Variants in CAMTA1 observed in about 807,000 individuals in gnomAD.
CAMTA1 encodes the protein calmodulin binding transcription activator 1, also known as calmodulin-binding transcription activator 1.
Under a neutral mutation model 170.9 loss-of-function variants are expected in CAMTA1, and 27 were observed. The ratio of observed to expected loss-of-function variants is 0.16; its 90% CI spans 0.12 to 0.22. The LOEUF (loss-of-function observed/expected upper bound fraction) is 0.22. Ranked by LOEUF, CAMTA1 falls within the 10% of genes least tolerant of loss-of-function variation. The pLI, the probability that CAMTA1 is intolerant of heterozygous loss-of-function variation, is 1.00. For synonymous variants in CAMTA1, 833 were observed against 891.5 expected, an observed-to-expected ratio of 0.93 and a Z score of 1.17; for missense variants, 1,619 against 2,217.2, an observed-to-expected ratio of 0.73 and a Z score of 5.42.
At chr1:7,071,834 G>C (rs548926462) in intron 3 of CAMTA1, among the ~76,000 whole-genome samples, 2 of 152,208 alleles carry the variant, frequency 1.3e-5, no homozygotes, top group East Asian at 1.9e-4. Flanking sequence ...GAAAATACCC[G>C]TGTCCTCCTG....
chr1:7,743,527 A>G (rs1013979020), intron 16 of CAMTA1, among the ~76,000 whole-genome samples: 1 of 152,082 alleles, frequency 6.6e-6, no homozygotes, highest in African/African-American at 2.4e-5. Flanking sequence ...TTCTATCCCC[A>G]GAGGTTTGCT....
intron 5 of CAMTA1, among the ~76,000 whole-genome samples, chr1:7,369,415 G>A (rs1231816011): frequency 6.6e-6 from 1 of 152,144 alleles, no homozygotes; most frequent in Non-Finnish European, 1.5e-5. Context: ...TTCAGGGCAG[G>A]ACCACTCTGT....
intron 3 of CAMTA1, chr1:6,888,086 G>T: frequency 9.8e-7 from 1 of 1,023,958 alleles, no homozygotes; most frequent in Non-Finnish European, 1.2e-6. Flanking sequence ...GTTACCACCT[G>T]TCTCATCAGA....
At chr1:7,697,408 G>T (rs1256219955) in intron 11 of CAMTA1, among the ~76,000 whole-genome samples, 3 of 152,204 alleles carry the variant, frequency 2.0e-5, no homozygotes, top group African/African-American at 7.2e-5. Flanking sequence ...CACCGCTGGG[G>T]ATTCGAACTC....
In CAMTA1 at chr1:7,745,393, A is replaced by T. The variant is rs184132705; in HGVS notation, c.4370+371A>T. 8.5e-3 allele frequency among the ~76,000 whole-genome samples: 1,299 copies of T among 152,042 alleles called. 13 individuals carry two copies. The highest frequency in any genetic ancestry group is 0.029 in the African/African-American group (1,200 of 41,466). ...AATACAAAATTAGCCGGGCATGGTGATAGGCGCCTGTAATCCCAGCTACTT... is the reference window on the plus strand; with the variant it reads ...AATACAAAATTAGCCGGGCATGGTGTTAGGCGCCTGTAATCCCAGCTACTT... On this transcript the variant is annotated intron_variant, in intron 17 of 22. Coordinates refer to ENST00000303635, the MANE Select transcript of CAMTA1 (RefSeq NM_015215.4).
intron 5 of CAMTA1, among the ~76,000 whole-genome samples, chr1:7,409,247 G>T (rs975133077): frequency 7.9e-5 from 12 of 152,238 alleles, no homozygotes; most frequent in African/African-American, 2.4e-4. Flanking sequence ...CGGACCAAGA[G>T]GGGGATGGTG....
At chr1:7,108,798 A>G (rs933466353) in intron 4 of CAMTA1, among the ~76,000 whole-genome samples, 1 of 152,254 alleles carries the variant, frequency 6.6e-6, no homozygotes, top group East Asian at 1.9e-4. Flanking sequence ...GTGGCTTAAA[A>G]TAACACTTAT....
chr1:7,391,328 A>AGTGTGTGTGTGTGTGGTGT (rs2088687222), intron 5 of CAMTA1, among the ~76,000 whole-genome samples: 1 of 146,926 alleles, frequency 6.8e-6, no homozygotes, highest in African/African-American at 2.5e-5. Flanking sequence ...CCCTTTACAC[A>AGTGTGTGTGTGTGTGGTGT]GTGTGTGTGT....
chr1:7,224,711 C>A lies in CAMTA1; in HGVS notation c.303-24780C>A, dbSNP rs76288140. 4.7e-3 allele frequency among the ~76,000 whole-genome samples: 710 copies of A among 152,216 alleles called. 3 individuals carry two copies. The highest frequency in any genetic ancestry group is 8.4e-3 in the Admixed American group (129 of 15,276). Reference sequence around the variant, plus strand: ...GGCAAGGCTCTAGGGTTAGTGGGGACCTGATGAAAGCCCACCTGGGGCTCT... The same window carrying A: ...GGCAAGGCTCTAGGGTTAGTGGGGAACTGATGAAAGCCCACCTGGGGCTCT... On this transcript the variant is annotated intron_variant, in intron 4 of 22. Coordinates refer to ENST00000303635, the MANE Select transcript of CAMTA1 (RefSeq NM_015215.4). This position sits in a 1 kb window ranked among gnomAD's most constrained non-coding sequence, Gnocchi z 5.2.
At chr1:7,166,793 C>G (rs1307009993) in intron 4 of CAMTA1, among the ~76,000 whole-genome samples, 2 of 146,928 alleles carry the variant, frequency 1.4e-5, no homozygotes, top group African/African-American at 5.0e-5. Context: ...GGTAGAAATT[C>G]TTAGTTTTGA....
At chr1:7,361,334 G>T (rs899519144) in intron 5 of CAMTA1, among the ~76,000 whole-genome samples, 2 of 152,072 alleles carry the variant, frequency 1.3e-5, no homozygotes, top group South Asian at 2.1e-4. Flanking sequence ...GGACAGATTT[G>T]GTCCCCAGTG....
rs1277879461 is a variant in CAMTA1 at position 7,732,109 on chromosome 1, C to G, written c.2915-339C>G. On this transcript the variant is annotated intron_variant, in intron 11 of 22. Coordinates refer to ENST00000303635, the MANE Select transcript of CAMTA1 (RefSeq NM_015215.4). The surrounding 1 kb of genome is among the most constrained non-coding windows in gnomAD (Gnocchi z 4.1). ...AAATTGTATTTATTTATTTTACTTG[C>G]TCTAGAGGGCTCTCTACCAGATCTC... 6.7e-6 allele frequency among the ~76,000 whole-genome samples: 1 copy of G among 150,066 alleles called. No homozygotes were observed. The highest frequency in any genetic ancestry group is 2.5e-5 in the African/African-American group (1 of 40,754).
chr1:7,040,232 A>G (rs6577408), intron 3 of CAMTA1, among the ~76,000 whole-genome samples: 21,348 of 151,576 alleles, frequency 0.14, 2,043 homozygotes, highest in African/African-American at 0.27. Context: ...GCATATTTCA[A>G]TTTAATCTGC....
At chr1:7,468,941 C>A (rs1008218098) in intron 6 of CAMTA1, among the ~76,000 whole-genome samples, 1 of 152,186 alleles carries the variant, frequency 6.6e-6, no homozygotes, top group Non-Finnish European at 1.5e-5. Flanking sequence ...CTGATGGCCA[C>A]AGGAGAGCTG....
chr1:7,712,617 C>T (rs1242635562), intron 11 of CAMTA1, among the ~76,000 whole-genome samples: 2 of 152,176 alleles, frequency 1.3e-5, no homozygotes, highest in Non-Finnish European at 2.9e-5. Flanking sequence ...CCACATCCAG[C>T]TCAATCTTAC....
intron 5 of CAMTA1, among the ~76,000 whole-genome samples, chr1:7,254,431 G>C (rs563903153): frequency 2.6e-4 from 40 of 152,310 alleles, no homozygotes; most frequent in African/African-American, 9.1e-4. Context: ...GACCATCTTT[G>C]GGTGGAAACA....
intron 5 of CAMTA1, among the ~76,000 whole-genome samples, chr1:7,422,245 G>T (rs148997393): frequency 5.9e-5 from 9 of 152,202 alleles, no homozygotes; most frequent in African/African-American, 1.9e-4. Context: ...GGGTCCTGGT[G>T]CCCATGCTAG....
intron 6 of CAMTA1, among the ~76,000 whole-genome samples, chr1:7,539,104 T>C (rs2094580314): frequency 6.6e-6 from 1 of 152,216 alleles, no homozygotes; most frequent in Non-Finnish European, 1.5e-5. Context: ...GGCCTTCCAG[T>C]GTTTTATACA....
At chr1:7,512,841 A>T (rs2149896698) in intron 6 of CAMTA1, among the ~76,000 whole-genome samples, 1 of 152,308 alleles carries the variant, frequency 6.6e-6, no homozygotes, top group East Asian at 1.9e-4. Context: ...AGCCAGGAGA[A>T]GACTAGGTAG....
Sources: allele counts gnomAD v4.1 joint callset (sites outside exome capture counted in the v4.1 genomes callset), GRCh38; gene constraint gnomAD v4.1.1; non-coding constraint Gnocchi (gnomAD v3.1); transcripts MANE v1.5; gene names NCBI Gene and HGNC (gene_info 2026-07-23, HGNC 2026-07-21).